The following OPA1 variants were observed in gnomAD, a reference collection of about 807,000 sequenced individuals.
The protein encoded by OPA1 is OPA1 mitochondrial dynamin like GTPase, also known as dynamin-like GTPase OPA1, mitochondrial.
A neutral mutation model predicts 152.9 loss-of-function variants in OPA1; 59 were observed. The observed-to-expected ratio is 0.39, with a 90% CI of 0.31 to 0.48. The LOEUF is 0.48. Among genes scored for constraint, OPA1 ranks in the 20% least tolerant of loss-of-function variants. OPA1 has a pLI of 0.96. For synonymous variants in OPA1, 400 were observed against 389.9 expected (o/e 1.03, Z -0.31); for missense variants, 1,008 against 1,216.8 (o/e 0.83, Z 2.55).
chr3:193,664,847 A>G (rs375676509), intron 26 of OPA1, 33 bp from the exon 27 acceptor site: 2 of 1,124,926 alleles, frequency 1.8e-6, no homozygotes, highest in African/African-American at 1.5e-5. Context: ...AAGAATATAC[A>G]GTAACTCTGG....
At chr3:193,667,670 CAA>C (rs35232250) in intron 29 of OPA1, among the ~76,000 whole-genome samples, 20 of 93,334 alleles carry the variant, frequency 2.1e-4, no homozygotes, top group African/African-American at 4.2e-4. Context: ...GATTCTGTCT[CAA>C]AAAAAAAAAA....
chr3:193,606,499 G>A (rs1416125912), intron 1 of OPA1, among the ~76,000 whole-genome samples: 1 of 144,382 alleles, frequency 6.9e-6, no homozygotes, highest in Admixed American at 7.4e-5. Flanking sequence ...TCCCACCTAC[G>A]AGTGAGAACA....
In OPA1 at chr3:193,695,983, C is replaced by A. The variant is rs1002783247; in HGVS notation, c.*1383C>A. The A allele has an allele frequency of 6.6e-6, 1 of 152,158 alleles. No individual in the cohort carries two copies. The highest frequency in any genetic ancestry group is 1.5e-5 in the Non-Finnish European group (1 of 68,034). 9.4% of individuals were successfully genotyped at this position (152,158 alleles called of 1,614,324 possible). A position where few individuals can be genotyped will look rare whatever the true frequency, so the allele number is the denominator to read the frequency against. On this transcript the variant is annotated 3_prime_UTR_variant, in exon 31 of 31. Transcript: ENST00000361510. ...ATACTGTTTGATAAGAAAAGTAGGT[C>A]CAGCCTTAAGCAGCACAGATGCGCT... is the stretch of plus-strand genomic sequence containing the variant.
chr3:193,624,873 T>A (rs551451287), intron 6 of OPA1, among the ~76,000 whole-genome samples: 2 of 152,124 alleles, frequency 1.3e-5, no homozygotes. Context: ...ATAAAATATT[T>A]TGGGCAGTCA....
intron 9 of OPA1, among the ~76,000 whole-genome samples, chr3:193,636,797 A>T (rs1428963070): frequency 3.3e-5 from 5 of 152,002 alleles, no homozygotes; most frequent in African/African-American, 1.2e-4. Context: ...TTTCTCTCTC[A>T]TGCATGCCTC....
chr3:193,643,522 T>C lies in OPA1; in HGVS notation c.1378-6T>C, dbSNP rs1302022031. ...TATAATGACATTTAAAACCTTTTTC[T>C]TTAAGACTGTGACATCAGGCATGGC... On this transcript the variant is annotated splice_polypyrimidine_tract_variant and splice_region_variant and intron_variant, in intron 14 of 30. Coordinates refer to ENST00000361510, the MANE Select transcript of OPA1 (RefSeq NM_130837.3). The C allele has an allele frequency of 6.2e-7, 1 of 1,613,492 alleles. No homozygotes were observed. The highest frequency in any genetic ancestry group is 8.5e-7 in the Non-Finnish European group (1 of 1,179,540).
chr3:193,620,995 G>A (rs1729955919), intron 6 of OPA1, among the ~76,000 whole-genome samples: 1 of 152,210 alleles, frequency 6.6e-6, no homozygotes, highest in Non-Finnish European at 1.5e-5. Flanking sequence ...GTGGTAAGGT[G>A]GCCAGGCTTT....
chr3:193,627,480 C>T (rs1023817136), intron 7 of OPA1: 1 of 152,144 alleles, frequency 6.6e-6, no homozygotes, highest in South Asian at 2.1e-4. Flanking sequence ...AAATTGGATG[C>T]TTAGGCTGAG....
At chr3:193,593,479 T>C (rs1724976960) in intron 1 of OPA1, 70 bp downstream of exon 1, 1 of 1,398,130 alleles carries the variant, frequency 7.2e-7, no homozygotes, top group Non-Finnish European at 9.5e-7. Flanking sequence ...CTTATCTCTA[T>C]CTCCAAAAAT....
At chr3:193,602,338 ATCT>A (rs1215277344) in intron 1 of OPA1, among the ~76,000 whole-genome samples, 5 of 152,176 alleles carry the variant, frequency 3.3e-5, no homozygotes, top group African/African-American at 9.7e-5. Context: ...TTCAAGAGTG[ATCT>A]TCTTCTGATG....
intron 25 of OPA1, among the ~76,000 whole-genome samples, chr3:193,661,978 T>C (rs1306842418): frequency 1.3e-5 from 2 of 152,320 alleles, no homozygotes; most frequent in African/African-American, 4.8e-5. Context: ...GTTAATCTTG[T>C]CTACTCAGAT....
chr3:193,635,348 T>A, intron 8 of OPA1, 70 bp from the exon 9 acceptor site: 1 of 927,980 alleles, frequency 1.1e-6, no homozygotes, highest in Non-Finnish European at 1.7e-6. Flanking sequence ...TGGAAGATTT[T>A]AATTTAGACT....
At chr3:193,664,374 G>C (rs1289149220) in intron 26 of OPA1, among the ~76,000 whole-genome samples, 1 of 151,904 alleles carries the variant, frequency 6.6e-6, no homozygotes, top group Non-Finnish European at 1.5e-5. Flanking sequence ...AAAGGACAGA[G>C]GGTATTAAAG....
chr3:193,674,135 T>TA (rs1244490682), intron 29 of OPA1, among the ~76,000 whole-genome samples: 1 of 152,240 alleles, frequency 6.6e-6, no homozygotes, highest in Non-Finnish European at 1.5e-5. Flanking sequence ...TCTGGAAACT[T>TA]AAAGTTTGTT....
rs1269242174 is a variant in OPA1, at chr3:193,695,952, T to G, written c.*1352T>G. On this transcript the variant is annotated 3_prime_UTR_variant, in exon 31 of 31. Transcript: ENST00000361510. ...CGAAACCAGGAATTCAATGTATGTT[T>G]GTTTTATACTGTTTGATAAGAAAAG... The G allele has an allele frequency of 4.6e-5, 7 of 152,242 alleles. No individual in the cohort carries two copies. Among genetic ancestry groups the G allele is most frequent in the African/African-American group, 1.7e-4 (7 of 41,472 alleles). 9.4% of individuals were successfully genotyped at this position (152,242 alleles called of 1,614,324 possible). A position where few individuals can be genotyped will look rare whatever the true frequency, so the allele number is the denominator to read the frequency against.
intron 22 of OPA1, among the ~76,000 whole-genome samples, chr3:193,656,246 T>G (rs1005003158): frequency 6.6e-6 from 1 of 152,148 alleles, no homozygotes; most frequent in Admixed American, 6.5e-5. Flanking sequence ...TTTCTGTCCC[T>G]CAGCACTAGG....
At chr3:193,599,388 C>G (rs1391889380) in intron 1 of OPA1, among the ~76,000 whole-genome samples, 3 of 151,350 alleles carry the variant, frequency 2.0e-5, no homozygotes, top group Non-Finnish European at 4.4e-5. Context: ...ACCCTTCTTT[C>G]TCTTTTTTAT....
intron 11 of OPA1, among the ~76,000 whole-genome samples, chr3:193,642,311 G>A (rs1733902657): frequency 1.3e-5 from 2 of 152,174 alleles, no homozygotes; most frequent in African/African-American, 4.8e-5. Context: ...TCAGCTCTGT[G>A]TTTCCCCACC....
chr3:193,644,985 G>A (rs898730254), intron 16 of OPA1, among the ~76,000 whole-genome samples: 15 of 151,672 alleles, frequency 9.9e-5, no homozygotes, highest in African/African-American at 3.4e-4. Context: ...ATTTTTCTGG[G>A]TACATAGTCT....
Sources: gnomAD v4.1 joint callset for allele counts (sites outside exome capture counted in the v4.1 genomes callset) on GRCh38, gnomAD v4.1.1 for gene constraint, MANE v1.5 for transcripts, NCBI Gene and HGNC (gene_info 2026-07-23, HGNC 2026-07-21) for gene names.